The following GRID1 variants were observed in gnomAD, a reference collection of about 807,000 sequenced individuals.
GRID1 encodes glutamate ionotropic receptor delta type subunit 1.
A neutral mutation model predicts 98.0 loss-of-function variants in GRID1; 28 were observed. The ratio of observed to expected loss-of-function variants is 0.29; its 90% confidence interval spans 0.21 to 0.39. GRID1 has a LOEUF of 0.39. GRID1 is among the 10% of genes least tolerant of loss of function. The pLI, the probability that GRID1 is intolerant of heterozygous loss-of-function variation, is 1.00. For synonymous variants in GRID1, 553 were observed against 538.5 expected, an observed-to-expected ratio of 1.03 and a Z score of -0.37; for missense variants, 1,111 against 1,340.5, an observed-to-expected ratio of 0.83 and a Z score of 2.67.
intron 4 of GRID1, among the ~76,000 whole-genome samples, chr10:86,080,258 C>A (rs926437349): frequency 2.6e-4 from 39 of 151,464 alleles, no homozygotes; most frequent in African/African-American, 8.7e-4. Context: ...TGCTTGAACC[C>A]GGGAGGCAGA....
At chr10:86,279,256 C>T (rs1377605610) in intron 2 of GRID1, among the ~76,000 whole-genome samples, 2 of 152,166 alleles carry the variant, frequency 1.3e-5, no homozygotes, top group African/African-American at 4.8e-5. Context: ...CCCCTCAGAC[C>T]TCCAGCCTCC....
At chr10:85,967,862 C>A (rs1842357388) in intron 4 of GRID1, among the ~76,000 whole-genome samples, 1 of 152,124 alleles carries the variant, frequency 6.6e-6, no homozygotes, top group African/African-American at 2.4e-5. Flanking sequence ...AGTAAGATGA[C>A]ATGTTCAAAG....
chr10:86,297,224 G>A (rs1335360535), intron 2 of GRID1, among the ~76,000 whole-genome samples: 2 of 151,964 alleles, frequency 1.3e-5, no homozygotes, highest in Non-Finnish European at 2.9e-5. Context: ...GAGGAAACTA[G>A]ATATAAAAAT....
rs142439356 is a variant in GRID1, at chr10:86,331,333, G to T, written c.235+32608C>A. On this transcript the variant is annotated intron_variant, in intron 2 of 15. Transcript: ENST00000327946. ...GGAGGCACACAGAGCCGTCCTGACA[G>T]GGCCTCCCAGCCTGCAGAGCCCCCC... 6.8e-3 allele frequency among the ~76,000 whole-genome samples: 1,036 copies of T among 152,296 alleles called. 14 individuals carry two copies. The highest frequency in any genetic ancestry group is 0.024 in the African/African-American group (983 of 41,558).
chr10:86,213,251 C>T (rs1234202647), intron 2 of GRID1, among the ~76,000 whole-genome samples: 1 of 152,094 alleles, frequency 6.6e-6, no homozygotes, highest in East Asian at 1.9e-4. Flanking sequence ...TCCACACTGC[C>T]GGCAAGCAGT....
At chr10:85,882,976 A>G (rs1446641391) in intron 5 of GRID1, among the ~76,000 whole-genome samples, 1 of 152,112 alleles carries the variant, frequency 6.6e-6, no homozygotes, top group Non-Finnish European at 1.5e-5. Flanking sequence ...ATTTCTTTCA[A>G]TAATTCTAGA....
intron 4 of GRID1, among the ~76,000 whole-genome samples, chr10:86,031,663 G>A (rs760506110): frequency 6.6e-6 from 1 of 151,970 alleles, no homozygotes; most frequent in African/African-American, 2.4e-5. Flanking sequence ...TCTTGCCTGG[G>A]TTGCTTCCAC....
chr10:86,340,345 T>A (rs1352335896), intron 2 of GRID1, among the ~76,000 whole-genome samples: 2 of 152,204 alleles, frequency 1.3e-5, no homozygotes, highest in Non-Finnish European at 2.9e-5. Flanking sequence ...CTTCCCTAAC[T>A]GGGCTGTGCT....
chr10:85,818,316 A>C (rs1351167180), intron 8 of GRID1, among the ~76,000 whole-genome samples: 1 of 151,614 alleles, frequency 6.6e-6, no homozygotes, highest in Non-Finnish European at 1.5e-5. Flanking sequence ...ACAAATATAC[A>C]TCTACACACA....
intron 2 of GRID1, among the ~76,000 whole-genome samples, chr10:86,223,743 T>A (rs1846295925): frequency 6.6e-6 from 1 of 152,206 alleles, no homozygotes; most frequent in African/African-American, 2.4e-5. Flanking sequence ...AAGAAGTGAC[T>A]GAGGTAGCAC....
intron 4 of GRID1, among the ~76,000 whole-genome samples, chr10:86,006,321 T>G (rs1311255829): frequency 6.6e-6 from 1 of 152,172 alleles, no homozygotes; most frequent in African/African-American, 2.4e-5. Flanking sequence ...GTAGTTGTAT[T>G]AAGAACTTAA....
At chr10:85,669,601 G>A (rs920249816) in intron 12 of GRID1, among the ~76,000 whole-genome samples, 1 of 151,980 alleles carries the variant, frequency 6.6e-6, no homozygotes, top group South Asian at 2.1e-4. Context: ...CTTGAATCTC[G>A]TTTGACTCCC....
intron 4 of GRID1, among the ~76,000 whole-genome samples, chr10:85,943,836 C>G (rs1224041153): frequency 6.6e-6 from 1 of 152,216 alleles, no homozygotes. Flanking sequence ...AATGGCCACA[C>G]GATTCTCCCT....
chr10:85,604,432 C>A (rs1166082928), intron 15 of GRID1, among the ~76,000 whole-genome samples: 1 of 152,120 alleles, frequency 6.6e-6, no homozygotes, highest in African/African-American at 2.4e-5. Context: ...CATCAGAAAC[C>A]ATTGGCACAG....
intron 2 of GRID1, among the ~76,000 whole-genome samples, chr10:86,246,214 T>C (rs1846723956): frequency 6.6e-6 from 1 of 152,000 alleles, no homozygotes; most frequent in Admixed American, 6.6e-5. Flanking sequence ...CAAAGGATGC[T>C]CTCCCCTCAG....
intron 4 of GRID1, among the ~76,000 whole-genome samples, chr10:85,956,734 A>G (rs1842199609): frequency 6.6e-6 from 1 of 152,210 alleles, no homozygotes; most frequent in African/African-American, 2.4e-5. Context: ...AGTGCAGAAC[A>G]GAGTAGGCAT....
At chr10:85,752,830 T>C (rs1242281211) in intron 8 of GRID1, among the ~76,000 whole-genome samples, 1 of 152,208 alleles carries the variant, frequency 6.6e-6, no homozygotes, top group Non-Finnish European at 1.5e-5. Context: ...AAAAGGTAAC[T>C]TTTAAGTTTT....
chr10:86,046,924 T>G lies in GRID1; in HGVS notation c.726+91895A>C, dbSNP rs978765496. 2.0e-5 allele frequency among the ~76,000 whole-genome samples: 3 copies of G among 148,906 alleles called. No individual in the cohort carries two copies. In the East Asian group the frequency reaches 5.9e-4, roughly 29 times the overall value. On this transcript the variant is annotated intron_variant, in intron 4 of 15. Transcript: ENST00000327946. The stretch of plus-strand genomic sequence containing the variant: ...ATCAAACGGTTAGCAAGCAGTCAAG[T>G]GGGGATACCACCTAGGTCTGCAGGG...
chr10:86,105,334 C>G (rs1248756428), intron 4 of GRID1, among the ~76,000 whole-genome samples: 6 of 152,080 alleles, frequency 3.9e-5, no homozygotes, highest in Non-Finnish European at 5.9e-5. Flanking sequence ...AAACTGAGGC[C>G]CAGAGGGTGT....
Sources: allele counts gnomAD v4.1 joint callset (sites outside exome capture counted in the v4.1 genomes callset), GRCh38; gene constraint gnomAD v4.1.1; transcripts MANE v1.5; gene names NCBI Gene and HGNC (gene_info 2026-07-23, HGNC 2026-07-21).